Variants in CTTNBP2 observed in about 807,000 individuals in gnomAD.
CTTNBP2 encodes cortactin-binding protein 2.
A neutral mutation model predicts 156.9 loss-of-function variants in CTTNBP2; 108 were observed. That is an observed-to-expected ratio of 0.69 (90% CI 0.59 to 0.81). The LOEUF is 0.81. Ranked by LOEUF, CTTNBP2 falls within the 30% of genes least tolerant of loss-of-function variation. CTTNBP2 has a pLI of 0.00. For synonymous variants in CTTNBP2, 767 were observed against 751.8 expected (o/e 1.02, Z -0.33); for missense variants, 1,924 against 2,035.4 (o/e 0.95, Z 1.05).
intron 2 of CTTNBP2, among the ~76,000 whole-genome samples, chr7:117,821,625 G>C (rs1273089827): frequency 1.5e-5 from 2 of 130,484 alleles, no homozygotes; most frequent in African/African-American, 5.9e-5. Context: ...GTCTCTCTCT[G>C]TCGCCCAGGC....
intron 2 of CTTNBP2, among the ~76,000 whole-genome samples, chr7:117,859,539 ACTT>A (rs1365107704): frequency 6.6e-6 from 1 of 152,182 alleles, no homozygotes; most frequent in Non-Finnish European, 1.5e-5. Context: ...GGAGCCCTTC[ACTT>A]CTATCTCACC....
At chr7:117,728,397 G>T (rs1367629666) in intron 16 of CTTNBP2, 130 bp from the exon 17 acceptor site, 4 of 678,522 alleles carry the variant, frequency 5.9e-6, no homozygotes, top group African/African-American at 1.8e-5. Context: ...CTTTACTTGG[G>T]ATGGCTGAAG....
chr7:117,794,911 G>A (rs540444421), intron 3 of CTTNBP2, among the ~76,000 whole-genome samples: 42 of 116,580 alleles, frequency 3.6e-4, no homozygotes, highest in African/African-American at 1.2e-3. Flanking sequence ...TTTTTGAGAC[G>A]GAGTCTCGCT....
At chr7:117,872,495 C>T (rs1341843291) in intron 1 of CTTNBP2, among the ~76,000 whole-genome samples, 1 of 152,118 alleles carries the variant, frequency 6.6e-6, no homozygotes, top group Non-Finnish European at 1.5e-5. Context: ...AATGTGGGTC[C>T]AGCCCTTCCC....
At chr7:117,782,275 TCTA>T (rs1798475299) in intron 6 of CTTNBP2, among the ~76,000 whole-genome samples, 1 of 152,206 alleles carries the variant, frequency 6.6e-6, no homozygotes, top group African/African-American at 2.4e-5. Flanking sequence ...CATGCCTATA[TCTA>T]ACTGACTTAG....
intron 12 of CTTNBP2, among the ~76,000 whole-genome samples, chr7:117,747,808 C>T (rs1796416775): frequency 1.3e-5 from 2 of 152,050 alleles, no homozygotes; most frequent in Admixed American, 1.3e-4. Flanking sequence ...GGTTTGGCCT[C>T]TAAGGAGACT....
intron 4 of CTTNBP2, among the ~76,000 whole-genome samples, chr7:117,789,544 A>C (rs1341545864): frequency 6.6e-6 from 1 of 152,236 alleles, no homozygotes. Flanking sequence ...AAATTATTTT[A>C]GGCCACGAGA....
intron 2 of CTTNBP2, among the ~76,000 whole-genome samples, chr7:117,855,439 T>C (rs1401577011): frequency 6.6e-6 from 1 of 152,298 alleles, no homozygotes; most frequent in East Asian, 1.9e-4. Flanking sequence ...GTTTTAAAAA[T>C]AGTCCCTCCT....
intron 2 of CTTNBP2, among the ~76,000 whole-genome samples, chr7:117,812,809 CTA>C (rs1334490171): frequency 2.6e-5 from 4 of 152,086 alleles, no homozygotes; most frequent in African/African-American, 2.4e-5. Flanking sequence ...TTGGATAATT[CTA>C]TGTTTTTTCC....
intron 22 of CTTNBP2, chr7:117,714,402 A>G (rs1320022358): frequency 6.6e-6 from 1 of 152,254 alleles, no homozygotes; most frequent in African/African-American, 2.4e-5. Context: ...ACACATACGT[A>G]GTATTCAGAA....
chr7:117,804,083 C>T (rs1025291109), intron 3 of CTTNBP2, among the ~76,000 whole-genome samples: 10 of 152,118 alleles, frequency 6.6e-5, no homozygotes, highest in Non-Finnish European at 1.3e-4. Flanking sequence ...TTGCCTCAGC[C>T]TCCTGAGTAG....
intron 22 of CTTNBP2, among the ~76,000 whole-genome samples, chr7:117,713,324 C>T (rs1794163519): frequency 1.3e-5 from 2 of 152,062 alleles, no homozygotes; most frequent in South Asian, 4.1e-4. Flanking sequence ...TTTCTTTAGC[C>T]CTCATTTATC....
intron 16 of CTTNBP2, among the ~76,000 whole-genome samples, chr7:117,733,361 C>T (rs980861287): frequency 6.6e-6 from 1 of 152,200 alleles, no homozygotes; most frequent in Non-Finnish European, 1.5e-5. Context: ...TTGGAACTTT[C>T]CTTTCAAAGT....
At chr7:117,720,935 CATAT>C (rs1182168105) in intron 20 of CTTNBP2, 128 bp downstream of exon 20, 12 of 700,620 alleles carry the variant, frequency 1.7e-5, no homozygotes, top group African/African-American at 3.6e-5. Context: ...ATTTGAATGA[CATAT>C]ATAACTTTTT....
chr7:117,720,600 A>G (rs1034664251), intron 20 of CTTNBP2, among the ~76,000 whole-genome samples: 3 of 152,156 alleles, frequency 2.0e-5, no homozygotes, highest in Admixed American at 6.5e-5. Context: ...AGGCTGAGGC[A>G]GGAGAATTGC....
chr7:117,779,724 C>G lies in CTTNBP2; in HGVS notation c.2523+717G>C, dbSNP rs1027940781. Among the ~76,000 whole-genome samples the G allele has an allele frequency of 6.0e-5, 9 of 150,742 alleles. No individual in the cohort carries two copies. The East Asian group carries it at 1.6e-3, about 26-fold the overall frequency. ...AATGTTTATATCTAGCTTATTACAT[C>G]TCTGCATATATATATATATATAAAA... On this transcript the variant is annotated intron_variant, in intron 7 of 22. Transcript: ENST00000160373.
chr7:117,863,094 A>G (rs1378618983), intron 1 of CTTNBP2, among the ~76,000 whole-genome samples: 5 of 152,226 alleles, frequency 3.3e-5, no homozygotes, highest in Non-Finnish European at 7.3e-5. Flanking sequence ...AACAGGCATG[A>G]CCAGAATGGT....
intron 12 of CTTNBP2, among the ~76,000 whole-genome samples, chr7:117,755,770 C>T (rs1414467911): frequency 6.6e-6 from 1 of 152,140 alleles, no homozygotes; most frequent in Non-Finnish European, 1.5e-5. Context: ...AGTAACAGAC[C>T]ACCTGGTTTT....
chr7:117,807,554 C>T (rs1800021562), intron 3 of CTTNBP2, among the ~76,000 whole-genome samples: 1 of 152,186 alleles, frequency 6.6e-6, no homozygotes, highest in African/African-American at 2.4e-5. Flanking sequence ...CTTTATGATT[C>T]TCCCCTGTAG....
Sources: allele counts gnomAD v4.1 joint callset (sites outside exome capture counted in the v4.1 genomes callset), GRCh38; gene constraint gnomAD v4.1.1; transcripts MANE v1.5; gene names NCBI Gene and HGNC (gene_info 2026-07-23, HGNC 2026-07-21).